Variants in HSPA4L observed in about 807,000 individuals in gnomAD.
The protein encoded by HSPA4L is heat shock 70 kDa protein 4L.
A neutral mutation model predicts 100.3 loss-of-function variants in HSPA4L; 48 were observed. That is an observed-to-expected ratio of 0.48 (90% CI 0.38 to 0.61). HSPA4L has a LOEUF of 0.61. HSPA4L is among the 20% of genes least tolerant of loss of function. The pLI is 0.00. For synonymous variants in HSPA4L, 319 were observed against 328.2 expected, an observed-to-expected ratio of 0.97 and a Z score of 0.30; for missense variants, 886 against 988.6, an observed-to-expected ratio of 0.90 and a Z score of 1.39.
intron 1 of HSPA4L, among the ~76,000 whole-genome samples, chr4:127,788,094 A>G (rs991494113): frequency 6.6e-6 from 1 of 152,102 alleles, no homozygotes; most frequent in Middle Eastern, 3.4e-3. Flanking sequence ...ATCTAATATA[A>G]TAATTTAATA....
At chr4:127,786,942 G>C (rs1349993510) in intron 1 of HSPA4L, among the ~76,000 whole-genome samples, 1 of 152,164 alleles carries the variant, frequency 6.6e-6, no homozygotes, top group Non-Finnish European at 1.5e-5. Flanking sequence ...TTATGGAGGA[G>C]GTGCTTTTAA....
At chr4:127,825,926 CAAAA>C (rs78623521) in intron 16 of HSPA4L, among the ~76,000 whole-genome samples, 3 of 57,222 alleles carry the variant, frequency 5.2e-5, no homozygotes, top group Admixed American at 1.9e-4. Context: ...AACTCCATCT[CAAAA>C]AAAAAAAAAA....
intron 12 of HSPA4L, among the ~76,000 whole-genome samples, chr4:127,811,892 A>T (rs2148791554): frequency 6.6e-6 from 1 of 152,296 alleles, no homozygotes; most frequent in Admixed American, 6.5e-5. Flanking sequence ...GGAGCAGGTG[A>T]ACCTGGAATT....
intron 11 of HSPA4L, chr4:127,809,514 T>C: frequency 2.3e-6 from 2 of 886,060 alleles, no homozygotes; most frequent in Non-Finnish European, 1.9e-6. Context: ...CTTTGTAATA[T>C]CAAATGCCAA....
intron 8 of HSPA4L, among the ~76,000 whole-genome samples, chr4:127,804,563 G>A (rs1441127380): frequency 2.0e-5 from 3 of 151,162 alleles, no homozygotes; most frequent in South Asian, 2.1e-4. Context: ...CTGAGATTAC[G>A]CCATTGCACT....
At position 127,803,773 on chromosome 4, in the gene HSPA4L, T is replaced by C; in HGVS notation, c.808T>C (p.Cys270Arg). ...SRALLRLYQE[C>R]EKLKKLMSAN... ...GGCCTTGTTGCGTTTATATCAGGAATGTGAAAAACTAAAGAAGCTAATGAG... is the reference window on the plus strand; with the variant it reads ...GGCCTTGTTGCGTTTATATCAGGAACGTGAAAAACTAAAGAAGCTAATGAG... Residue 270 changes from cysteine (C) to arginine (R), a missense_variant, in exon 7 of 19, where the codon TGT becomes CGT. Cys to Arg is a radical substitution (Grantham distance 180). Coordinates refer to ENST00000296464, the MANE Select transcript of HSPA4L (RefSeq NM_014278.4). The C allele has an allele frequency of 6.2e-7, 1 of 1,614,004 alleles. No individual in the cohort carries two copies.
chr4:127,783,426 C>A, intron 1 of HSPA4L: 1 of 1,223,290 alleles, frequency 8.2e-7, no homozygotes, highest in Non-Finnish European at 1.1e-6. Flanking sequence ...TCGGGGGCAG[C>A]TGTCCCGTAT....
intron 1 of HSPA4L, 99 bp from the exon 2 acceptor site, chr4:127,793,977 TA>T (rs1732947519): frequency 4.1e-6 from 3 of 732,440 alleles, no homozygotes; most frequent in Non-Finnish European, 4.4e-6. Context: ...TATATGGTTA[TA>T]TTTCTCCTTT....
rs552375626 is a variant in HSPA4L at position 127,789,238 on chromosome 4, A to T, written c.108-4839A>T. ...TTTATGCCCCTCTCCTACTAAAAGGAACATAGGACATTTAGAAATCTTCAT... is the reference window on the plus strand; with the variant it reads ...TTTATGCCCCTCTCCTACTAAAAGGTACATAGGACATTTAGAAATCTTCAT... On this transcript the variant is annotated intron_variant, in intron 1 of 18. Transcript: ENST00000296464. Among the ~76,000 whole-genome samples the T allele has an allele frequency of 2.5e-3, 382 of 152,354 alleles. 1 individual carries two copies. Among genetic ancestry groups the T allele is most frequent in the South Asian group, 0.013 (64 of 4,828 alleles).
At chr4:127,783,490 G>T in intron 1 of HSPA4L, 1 of 1,457,182 alleles carries the variant, frequency 6.9e-7, no homozygotes, top group Non-Finnish European at 9.0e-7. Context: ...GGCTTAGGAG[G>T]AGCGGCGTTA....
intron 1 of HSPA4L, among the ~76,000 whole-genome samples, chr4:127,783,885 G>A (rs976247886): frequency 3.9e-5 from 6 of 152,230 alleles, no homozygotes; most frequent in Admixed American, 3.9e-4. Context: ...ATTCTAGAAG[G>A]TTTTATACCT....
intron 12 of HSPA4L, among the ~76,000 whole-genome samples, chr4:127,815,735 CATCTATA>C (rs1286743176): frequency 6.6e-6 from 1 of 152,090 alleles, no homozygotes; most frequent in African/African-American, 2.4e-5. Context: ...GGTTGCCACC[CATCTATA>C]ACTTACAGTC....
At position 127,839,940 on chromosome 4, in the gene HSPA4L, T is replaced by C. The variant is rs1354760872; in HGVS notation, c.*7066T>C. The C allele has an allele frequency of 6.6e-6, 1 of 152,168 alleles. No individual in the cohort carries two copies. Among genetic ancestry groups the C allele is most frequent in the Non-Finnish European group, 1.5e-5 (1 of 68,032 alleles). The allele number at this position is 152,168 out of a possible 1,614,324, so 9.4% of individuals were successfully genotyped here. On this transcript the variant is annotated 3_prime_UTR_variant, in exon 19 of 19. Coordinates refer to ENST00000296464, the MANE Select transcript of HSPA4L (RefSeq NM_014278.4). ...ATATGGCATCCAGGTCATCTTTTCTTTTCTCCAACCATTATTAAAATAACT... is the reference window on the plus strand; with the variant it reads ...ATATGGCATCCAGGTCATCTTTTCTCTTCTCCAACCATTATTAAAATAACT...
chr4:127,783,738 A>G (rs1445967467), intron 1 of HSPA4L: 1 of 1,422,290 alleles, frequency 7.0e-7, no homozygotes. Context: ...TACCTTAACT[A>G]TACTAAAACA....
intron 11 of HSPA4L, among the ~76,000 whole-genome samples, chr4:127,810,378 CAA>C (rs879483398): frequency 1.2e-4 from 19 of 152,102 alleles, no homozygotes; most frequent in Non-Finnish European, 2.1e-4. Context: ...GCTGCTATAA[CAA>C]AGTACCACAA....
At chr4:127,800,691 CT>C (rs1335459317) in intron 4 of HSPA4L, among the ~76,000 whole-genome samples, 1 of 151,910 alleles carries the variant, frequency 6.6e-6, no homozygotes, top group Non-Finnish European at 1.5e-5. Flanking sequence ...TATATGTGCC[CT>C]TTTTTAACAT....
intron 10 of HSPA4L, among the ~76,000 whole-genome samples, chr4:127,806,868 C>A (rs1346040816): frequency 6.6e-6 from 1 of 151,814 alleles, no homozygotes; most frequent in Non-Finnish European, 1.5e-5. Flanking sequence ...TATGGATTTT[C>A]AGCCTTATCT....
chr4:127,819,248 T>C (rs1053901885), intron 13 of HSPA4L, among the ~76,000 whole-genome samples: 1 of 152,162 alleles, frequency 6.6e-6, no homozygotes, highest in African/African-American at 2.4e-5. Context: ...AGATAGTGAT[T>C]GCCAATAAGA....
intron 4 of HSPA4L, among the ~76,000 whole-genome samples, chr4:127,799,490 G>A (rs1270217639): frequency 6.6e-6 from 1 of 152,076 alleles, no homozygotes; most frequent in African/African-American, 2.4e-5. Flanking sequence ...TCAAAAAGTA[G>A]GATACTGAGA....
Sources: allele counts gnomAD v4.1 joint callset (sites outside exome capture counted in the v4.1 genomes callset), GRCh38; gene constraint gnomAD v4.1.1; transcripts MANE v1.5; gene names NCBI Gene and HGNC (gene_info 2026-07-23, HGNC 2026-07-21).